Variants in DIPK1A observed in about 807,000 individuals in gnomAD.
DIPK1A encodes divergent protein kinase domain 1A.
In DIPK1A, 27 loss-of-function variants were observed where a neutral mutation model predicts 40.8. The observed-to-expected ratio is 0.66, with a 90% CI of 0.49 to 0.91. The LOEUF (loss-of-function observed/expected upper bound fraction) is 0.91. Among genes scored for constraint, DIPK1A ranks in the 40% least tolerant of loss-of-function variants. DIPK1A has a pLI of 0.00. For missense variants in DIPK1A, 412 were observed against 505.7 expected, an observed-to-expected ratio of 0.81 and a Z score of 1.78; for synonymous variants, 166 against 171.3, an observed-to-expected ratio of 0.97 and a Z score of 0.24.
At chr1:92,902,390 G>C (rs1379995699) in intron 1 of DIPK1A, among the ~76,000 whole-genome samples, 1 of 152,166 alleles carries the variant, frequency 6.6e-6, no homozygotes, top group Non-Finnish European at 1.5e-5. Context: ...GTTCAGCAGT[G>C]GCTCAGCCTC....
intron 1 of DIPK1A, among the ~76,000 whole-genome samples, chr1:92,891,306 G>GTTTTTATTTATTATTA (rs1648864076): frequency 6.7e-6 from 1 of 150,354 alleles, no homozygotes; most frequent in Admixed American, 6.6e-5. Flanking sequence ...TTTTTTTTTA[G>GTTTTTATTTATTATTA]TTGATCTTTA....
chr1:92,834,642 C>T, intron 4 of DIPK1A: 3 of 1,146,630 alleles, frequency 2.6e-6, no homozygotes, highest in Admixed American at 1.9e-5. Flanking sequence ...TACTGGTAAC[C>T]CAGCTAAGAG....
chr1:92,935,779 A>C (rs1309694785), intron 1 of DIPK1A, among the ~76,000 whole-genome samples: 1 of 152,072 alleles, frequency 6.6e-6, no homozygotes, highest in Non-Finnish European at 1.5e-5. Context: ...TAACTAACTA[A>C]AGACATTAAA....
In DIPK1A at chr1:92,844,142, C is replaced by A. The variant is rs780939989; in HGVS notation, c.528G>T (p.Thr176=). Residue 176 remains threonine, a synonymous_variant, in exon 5 of 5, where the codon ACG becomes ACT. Coordinates refer to ENST00000370310, the MANE Select transcript of DIPK1A (RefSeq NM_001006605.5). ...NLSELVNLIL[T]VADGDKDGQV... is the part of the protein sequence containing the mutation. ...GGCCATCTTTGTCTCCATCAGCCAC[C>A]GTCAAGATGAGATTAACCAGTTCAG... is the stretch of plus-strand genomic sequence containing the variant. 1 of 1,551,702 alleles carries A rather than the reference C, an allele frequency of 6.4e-7. No homozygotes were observed. The highest frequency in any genetic ancestry group is 1.4e-5 in the African/African-American group (1 of 73,152).
intron 1 of DIPK1A, among the ~76,000 whole-genome samples, chr1:92,884,848 A>T (rs1648525493): frequency 6.6e-6 from 1 of 152,258 alleles, no homozygotes; most frequent in Admixed American, 6.5e-5. Context: ...AGGACTTACA[A>T]GCTTATTAAT....
intron 1 of DIPK1A, among the ~76,000 whole-genome samples, chr1:92,943,410 G>T (rs1288531252): frequency 6.6e-6 from 1 of 152,116 alleles, no homozygotes; most frequent in African/African-American, 2.4e-5. Flanking sequence ...ATGGCTCTGG[G>T]CTCCGAGCCA....
chr1:92,867,297 G>A (rs930676874), intron 2 of DIPK1A, among the ~76,000 whole-genome samples: 5 of 144,482 alleles, frequency 3.5e-5, no homozygotes, highest in African/African-American at 1.0e-4. Flanking sequence ...CTCGTGATCC[G>A]CCCGCCTCGG....
intron 1 of DIPK1A, among the ~76,000 whole-genome samples, chr1:92,891,941 G>A (rs1571097216): frequency 6.6e-6 from 1 of 152,154 alleles, no homozygotes; most frequent in East Asian, 1.9e-4. Context: ...AAACTGCAAG[G>A]CGGCAGCGAG....
At chr1:92,899,074 G>A (rs1181884695) in intron 1 of DIPK1A, among the ~76,000 whole-genome samples, 1 of 152,136 alleles carries the variant, frequency 6.6e-6, no homozygotes, top group Non-Finnish European at 1.5e-5. Context: ...GGCCTAAAAT[G>A]TACTTTATAT....
At chr1:92,908,290 T>G (rs1649703901) in intron 1 of DIPK1A, among the ~76,000 whole-genome samples, 1 of 150,992 alleles carries the variant, frequency 6.6e-6, no homozygotes, top group South Asian at 2.1e-4. Context: ...AAAATTAGAG[T>G]GAGAAAAGGG....
chr1:92,936,419 G>C (rs556907481), intron 1 of DIPK1A, among the ~76,000 whole-genome samples: 3 of 152,066 alleles, frequency 2.0e-5, no homozygotes, highest in Admixed American at 6.5e-5. Context: ...CCCGAGGTCG[G>C]GAGTTTGAGA....
rs545263817 is a variant in DIPK1A, at chr1:92,958,182, C to G, written c.54+3194G>C. Among the ~76,000 whole-genome samples the G allele has an allele frequency of 6.7e-4, 102 of 152,288 alleles. No individual in the cohort carries two copies. The South Asian group carries it at 8.1e-3, about 12-fold the overall frequency. On this transcript the variant is annotated intron_variant, in intron 1 of 4. Transcript: ENST00000370310. ...CAGTGAATAGGTGCCTGCATTAGCT[C>G]ATGAATGTCTATTATGGCTGAAAAT...
chr1:92,948,894 T>C (rs1009242933), intron 1 of DIPK1A, among the ~76,000 whole-genome samples: 1 of 150,954 alleles, frequency 6.6e-6, no homozygotes, highest in Non-Finnish European at 1.5e-5. Context: ...AGCCTCCACC[T>C]CCCGGGTTCA....
Position 92,961,116 on chromosome 1 carries a change from T to TACCCGGGCGGGACG in DIPK1A, c.54+246_54+259dup, listed in dbSNP as rs1553136791. On this transcript the variant is annotated intron_variant, in intron 1 of 4. Coordinates refer to ENST00000370310, the MANE Select transcript of DIPK1A (RefSeq NM_001006605.5). Reference sequence around the variant, plus strand: ...TCGGGGCTCTCAGGATGCGAGGGCGTACCCGGGCGGGACGACTCGGGCCCT... The same window carrying TACCCGGGCGGGACG: ...TCGGGGCTCTCAGGATGCGAGGGCGTACCCGGGCGGGACGACCCGGGCGGGACGACTCGGGCCCT... 2.0e-5 allele frequency among the ~76,000 whole-genome samples: 3 copies of TACCCGGGCGGGACG among 151,338 alleles called. No individual in the cohort carries two copies. In the East Asian group the frequency reaches 5.9e-4, roughly 30 times the overall value.
intron 1 of DIPK1A, among the ~76,000 whole-genome samples, chr1:92,945,668 C>G (rs183133918): frequency 6.6e-6 from 1 of 152,044 alleles, no homozygotes; most frequent in Admixed American, 6.6e-5. Flanking sequence ...TTTCTATAAA[C>G]ACAGAATCAA....
At chr1:92,840,631 AAAG>A (rs1687318158), downstream of DIPK1A, 2 of 1,608,364 alleles carry the variant, frequency 1.2e-6, no homozygotes, top group Non-Finnish European at 1.7e-6. Flanking sequence ...AAGAAGTTAA[AAAG>A]AAGAGGTATG....
At position 92,961,385 on chromosome 1, in the gene DIPK1A, A is replaced by G; in HGVS notation, c.45T>C (p.Tyr15=). The part of the protein sequence containing the change: ...LCPGAWLRKP[Y]YLQARFSYVR... ...GCGGCCGCCGGCCTACCTGGAGGTA[A>G]TAGGGTTTCCTTAGCCAGGCCCCCG... The change falls in exon 1 of 5, where the codon TAT becomes TAC. Residue 15 remains tyrosine, a synonymous_variant. Coordinates refer to ENST00000370310, the MANE Select transcript of DIPK1A (RefSeq NM_001006605.5). The G allele has an allele frequency of 6.5e-7, 1 of 1,527,530 alleles. No individual in the cohort carries two copies. Among genetic ancestry groups the G allele is most frequent in the Non-Finnish European group, 8.8e-7 (1 of 1,134,764 alleles). 94.6% of individuals were successfully genotyped at this position (1,527,530 alleles called of 1,614,324 possible).
intron 1 of DIPK1A, chr1:92,930,985 G>T (rs1650725047): frequency 6.6e-6 from 1 of 152,174 alleles, no homozygotes; most frequent in African/African-American, 2.4e-5. Context: ...CTCCTTGAAA[G>T]AAATATGTCT....
At chr1:92,921,416 A>G (rs968622440) in intron 1 of DIPK1A, among the ~76,000 whole-genome samples, 6 of 152,358 alleles carry the variant, frequency 3.9e-5, no homozygotes, top group African/African-American at 1.4e-4. Flanking sequence ...AGTATGTAGA[A>G]AATGCAATGT....
Sources: gnomAD v4.1 joint callset for allele counts (sites outside exome capture counted in the v4.1 genomes callset) on GRCh38, gnomAD v4.1.1 for gene constraint, MANE v1.5 for transcripts, NCBI Gene and HGNC (gene_info 2026-07-23, HGNC 2026-07-21) for gene names.